TMEM132D: variants seen among roughly 807,000 people sequenced by gnomAD.
TMEM132D encodes transmembrane protein 132D.
A neutral mutation model predicts 62.3 loss-of-function variants in TMEM132D; 21 were observed. That is an observed-to-expected ratio of 0.34 (90% CI 0.24 to 0.49). TMEM132D has a LOEUF of 0.49. Ranked by LOEUF, TMEM132D falls within the 20% of genes least tolerant of loss-of-function variation. TMEM132D has a pLI of 0.99. For missense variants in TMEM132D, 1,346 were observed against 1,402.8 expected (o/e 0.96, Z 0.65); for synonymous variants, 621 against 575.6 (o/e 1.08, Z -1.13).
intron 3 of TMEM132D, among the ~76,000 whole-genome samples, chr12:129,426,295 G>A (rs766886229): frequency 6.6e-6 from 1 of 152,304 alleles, no homozygotes; most frequent in Non-Finnish European, 1.5e-5. Context: ...AACAGCAGGA[G>A]AAAGGAGGTT....
chr12:129,847,864 G>A (rs1171992510), intron 1 of TMEM132D, among the ~76,000 whole-genome samples: 3 of 152,140 alleles, frequency 2.0e-5, no homozygotes, highest in Non-Finnish European at 2.9e-5. Context: ...AGGTTGCCAC[G>A]GGAGAAGCTC....
At chr12:129,153,984 G>A (rs183613570) in intron 5 of TMEM132D, among the ~76,000 whole-genome samples, 303 of 152,288 alleles carry the variant, frequency 2.0e-3, no homozygotes, top group African/African-American at 7.2e-3. Context: ...AACCATTCAC[G>A]ACATTCCTTC....
chr12:129,351,291 G>A (rs1458410769), intron 3 of TMEM132D, among the ~76,000 whole-genome samples: 1 of 152,134 alleles, frequency 6.6e-6, no homozygotes, highest in Non-Finnish European at 1.5e-5. Flanking sequence ...CACCATAGGT[G>A]ACAAAAACGG....
In TMEM132D at chr12:129,326,634, C is replaced by T. The variant is rs531594179; in HGVS notation, c.1299+11000G>A. ...CGTTGCACAGAGACCATGTGGCTTG[C>T]GAGGCTGAAAATATTTAGTACCTGT... On this transcript the variant is annotated intron_variant, in intron 4 of 8. Transcript: ENST00000422113. Among the ~76,000 whole-genome samples, 24 of 152,266 alleles carry T rather than the reference C, an allele frequency of 1.6e-4. No individual in the cohort carries two copies. The East Asian group carries it at 4.3e-3, about 27-fold the overall frequency.
intron 1 of TMEM132D, among the ~76,000 whole-genome samples, chr12:129,790,068 C>T (rs1312449583): frequency 6.6e-6 from 1 of 152,194 alleles, no homozygotes; most frequent in Non-Finnish European, 1.5e-5. Context: ...ATGGACTCCA[C>T]TCGCTCAGTC....
intron 3 of TMEM132D, among the ~76,000 whole-genome samples, chr12:129,411,362 G>T (rs893558851): frequency 6.6e-6 from 1 of 152,008 alleles, no homozygotes; most frequent in Admixed American, 6.6e-5. Flanking sequence ...GCTTTGTTTG[G>T]TTTGGGCTTG....
At chr12:129,175,747 T>C (rs1008902756) in intron 5 of TMEM132D, among the ~76,000 whole-genome samples, 1 of 152,222 alleles carries the variant, frequency 6.6e-6, no homozygotes, top group Admixed American at 6.5e-5. Flanking sequence ...TTGTACCTAC[T>C]TAGCCTGTGT....
At chr12:129,360,743 G>A (rs1035148285) in intron 3 of TMEM132D, among the ~76,000 whole-genome samples, 8 of 152,158 alleles carry the variant, frequency 5.3e-5, no homozygotes, top group African/African-American at 1.9e-4. Flanking sequence ...CAGGAAGTCC[G>A]TCCAAACAGG....
chr12:129,617,756 T>C (rs2137156847), intron 2 of TMEM132D, among the ~76,000 whole-genome samples: 1 of 152,240 alleles, frequency 6.6e-6, no homozygotes, highest in Admixed American at 6.5e-5. Flanking sequence ...GGGGGCAGCA[T>C]CTCTCTGATG....
At chr12:129,112,680 T>A (rs1039416435) in intron 5 of TMEM132D, among the ~76,000 whole-genome samples, 11 of 152,116 alleles carry the variant, frequency 7.2e-5, no homozygotes, top group Admixed American at 6.6e-4. Flanking sequence ...AAAAATTAAG[T>A]AAGATTAAAG....
At chr12:129,347,442 AAAAC>A (rs1389589910) in intron 3 of TMEM132D, among the ~76,000 whole-genome samples, 1 of 152,208 alleles carries the variant, frequency 6.6e-6, no homozygotes, top group Non-Finnish European at 1.5e-5. Context: ...ACACCTGACA[AAAAC>A]AAGCAATGGA....
Position 129,709,535 on chromosome 12 carries a change from A to T in TMEM132D, c.80-8837T>A, listed in dbSNP as rs566148820. Among the ~76,000 whole-genome samples, 18 of 152,334 alleles carry T rather than the reference A, an allele frequency of 1.2e-4. No individual in the cohort carries two copies. The South Asian group carries it at 1.9e-3, about 16-fold the overall frequency. On this transcript the variant is annotated intron_variant, in intron 1 of 8. Transcript: ENST00000422113. Reference sequence around the variant, plus strand: ...TTCTGAATTTCTTTGCTTCGCACCAAAGAAGTAGAAGCAAAAGGTTCCCAA... The same window carrying T: ...TTCTGAATTTCTTTGCTTCGCACCATAGAAGTAGAAGCAAAAGGTTCCCAA...
intron 1 of TMEM132D, among the ~76,000 whole-genome samples, chr12:129,748,491 T>C (rs1221467320): frequency 6.6e-6 from 1 of 152,064 alleles, no homozygotes; most frequent in African/African-American, 2.4e-5. Flanking sequence ...TTCTTAAATA[T>C]TAACAGGGAG....
Position 129,406,702 on chromosome 12 carries a change from A to G in TMEM132D, c.1116-68885T>C, listed in dbSNP as rs555602864. Among the ~76,000 whole-genome samples the G allele has an allele frequency of 1.8e-4, 28 of 152,160 alleles. 1 individual carries two copies. The East Asian group carries it at 5.0e-3, about 27-fold the overall frequency. On this transcript the variant is annotated intron_variant, in intron 3 of 8. Transcript: ENST00000422113. ...GCAAGCACACGGACTTTCACTAAAG[A>G]GATAACAGAAAATGGGCTACTTCGT...
At chr12:129,111,147 T>G (rs1022181946) in intron 5 of TMEM132D, 1 of 152,256 alleles carries the variant, frequency 6.6e-6, no homozygotes, top group Non-Finnish European at 1.5e-5. Context: ...AAAGTAAGAC[T>G]ATGCAGTTGT....
intron 1 of TMEM132D, among the ~76,000 whole-genome samples, chr12:129,714,716 C>T (rs531166351): frequency 6.6e-6 from 1 of 152,110 alleles, no homozygotes; most frequent in African/African-American, 2.4e-5. Flanking sequence ...TTTATTGAGG[C>T]TAATTATAAC....
intron 1 of TMEM132D, among the ~76,000 whole-genome samples, chr12:129,738,549 C>A (rs1869500493): frequency 1.3e-5 from 2 of 152,194 alleles, no homozygotes; most frequent in Admixed American, 6.5e-5. Context: ...TGTAGCAAGA[C>A]ATGAAAACAT....
chr12:129,637,737 G>A (rs1389200211), intron 2 of TMEM132D, among the ~76,000 whole-genome samples: 4 of 152,264 alleles, frequency 2.6e-5, no homozygotes, highest in African/African-American at 9.6e-5. Flanking sequence ...TGGCTTCTGG[G>A]GAAGCCTCAG....
At chr12:129,799,294 AC>A (rs1871668546) in intron 1 of TMEM132D, among the ~76,000 whole-genome samples, 1 of 152,108 alleles carries the variant, frequency 6.6e-6, no homozygotes, top group African/African-American at 2.4e-5. Flanking sequence ...AAACAAACAA[AC>A]AAACAAAAAA....
Sources: gnomAD v4.1 joint callset for allele counts (sites outside exome capture counted in the v4.1 genomes callset) on GRCh38, gnomAD v4.1.1 for gene constraint, MANE v1.5 for transcripts, NCBI Gene and HGNC (gene_info 2026-07-23, HGNC 2026-07-21) for gene names.